Variants in ZNF451 observed in about 807,000 individuals in gnomAD.
ZNF451 encodes E3 SUMO-protein ligase ZNF451.
Under a neutral mutation model 107.1 loss-of-function variants are expected in ZNF451, and 80 were observed. The ratio of observed to expected loss-of-function variants is 0.75; its 90% CI spans 0.62 to 0.90. The LOEUF is 0.90. Ranked by LOEUF, ZNF451 falls within the 40% of genes least tolerant of loss-of-function variation. The pLI is 0.00. For synonymous variants in ZNF451, 362 were observed against 406.5 expected, an observed-to-expected ratio of 0.89 and a Z score of 1.32; for missense variants, 1,107 against 1,236.2, an observed-to-expected ratio of 0.90 and a Z score of 1.57.
At chr6:57,130,230 CT>C (rs1374106250) in intron 5 of ZNF451, among the ~76,000 whole-genome samples, 8 of 152,100 alleles carry the variant, frequency 5.3e-5, no homozygotes, top group Non-Finnish European at 8.8e-5. Context: ...GGCTCCAAAT[CT>C]GACTGTTATT....
chr6:57,133,312 C>G (rs1831271809), intron 6 of ZNF451, 120 bp downstream of exon 6: 2 of 1,042,158 alleles, frequency 1.9e-6, no homozygotes, highest in Admixed American at 2.6e-5. Context: ...ATTCCAAACT[C>G]AAATTATTTT....
At chr6:57,104,906 C>T (rs574388774) in intron 3 of ZNF451, 22 of 985,236 alleles carry the variant, frequency 2.2e-5, no homozygotes, top group Admixed American at 1.8e-4. Context: ...AGGATTTGAC[C>T]GTTTAATAGG....
chr6:57,125,052 A>G (rs1269132370), intron 4 of ZNF451, among the ~76,000 whole-genome samples, 193 bp downstream of exon 4: 1 of 152,158 alleles, frequency 6.6e-6, no homozygotes, highest in African/African-American at 2.4e-5. Flanking sequence ...TTATCTGTAT[A>G]TAGGAAAAGA....
intron 9 of ZNF451, among the ~76,000 whole-genome samples, chr6:57,144,623 A>C (rs1251693032): frequency 3.9e-5 from 6 of 152,114 alleles, no homozygotes; most frequent in African/African-American, 1.4e-4. Context: ...TTTGACCTAT[A>C]GGTTTATTAG....
intron 6 of ZNF451, among the ~76,000 whole-genome samples, chr6:57,133,825 G>A (rs575720050): frequency 6.7e-4 from 102 of 152,070 alleles, no homozygotes; most frequent in African/African-American, 2.3e-3. Context: ...CAGGTTGTGC[G>A]CCACCACACC....
At chr6:57,106,909 C>T in intron 3 of ZNF451, 1 of 943,822 alleles carries the variant, frequency 1.1e-6, no homozygotes, top group Non-Finnish European at 1.3e-6. Flanking sequence ...TATTATTTTT[C>T]CAGATATATT....
chr6:57,095,816 TG>T (rs202124868), intron 2 of ZNF451, among the ~76,000 whole-genome samples: 6 of 150,136 alleles, frequency 4.0e-5, no homozygotes, highest in South Asian at 2.1e-4. Flanking sequence ...TTTTTTTTTT[TG>T]TTGTTGTTGT....
At chr6:57,124,631 T>C (rs1830831459) in intron 3 of ZNF451, 103 bp from the exon 4 acceptor site, 1 of 859,074 alleles carries the variant, frequency 1.2e-6, no homozygotes, top group South Asian at 1.6e-5. Context: ...TTCTTATAAC[T>C]CAAGTAAATG....
At chr6:57,157,903 A>C (rs540455936) in intron 13 of ZNF451, among the ~76,000 whole-genome samples, 2 of 152,352 alleles carry the variant, frequency 1.3e-5, no homozygotes, top group South Asian at 4.1e-4. Context: ...AGTTTATTGA[A>C]GTTTATTGTA....
At chr6:57,143,574 C>T (rs964882414) in intron 9 of ZNF451, among the ~76,000 whole-genome samples, 2 of 152,214 alleles carry the variant, frequency 1.3e-5, no homozygotes, top group Non-Finnish European at 2.9e-5. Flanking sequence ...CCACTAAGCA[C>T]TGCTTTACCT....
chr6:57,090,371 G>A, intron 1 of ZNF451, 97 bp downstream of exon 1: 1 of 1,545,174 alleles, frequency 6.5e-7, no homozygotes, highest in East Asian at 2.4e-5. Context: ...TCGCAGCCTC[G>A]GGGCGATACC....
intron 3 of ZNF451, chr6:57,109,627 A>G (rs1033786514): frequency 6.1e-6 from 6 of 985,292 alleles, no homozygotes; most frequent in African/African-American, 5.2e-5. Flanking sequence ...ATTTCATGCC[A>G]TGTGATCATG....
intron 5 of ZNF451, among the ~76,000 whole-genome samples, chr6:57,132,304 T>C (rs1227189425): frequency 1.3e-5 from 2 of 152,352 alleles, no homozygotes; most frequent in East Asian, 3.9e-4. Context: ...CCTGCTTTCT[T>C]CATTCCATCC....
chr6:57,158,673 A>G (rs1377598833), intron 13 of ZNF451: 1 of 985,298 alleles, frequency 1.0e-6, no homozygotes, highest in African/African-American at 1.7e-5. Flanking sequence ...GGGCACACAG[A>G]AGTTAGTATT....
intron 3 of ZNF451, chr6:57,106,506 A>G (rs1034348492): frequency 2.8e-5 from 19 of 675,606 alleles, no homozygotes; most frequent in Non-Finnish European, 3.5e-5. Context: ...GGGTCTCTCC[A>G]TGTTGGTCAG....
chr6:57,096,066 C>T (rs1453843477), intron 2 of ZNF451, among the ~76,000 whole-genome samples: 3 of 152,008 alleles, frequency 2.0e-5, no homozygotes, highest in African/African-American at 7.3e-5. Flanking sequence ...TCATGTGGTC[C>T]ACCTGCCTTG....
intron 12 of ZNF451, 148 bp downstream of exon 12, chr6:57,152,499 T>C: frequency 2.3e-6 from 2 of 871,882 alleles, no homozygotes; most frequent in Non-Finnish European, 3.5e-6. Flanking sequence ...CCCCATAGCA[T>C]ATTTTTATTG....
At chr6:57,100,388 A>T (rs1433546948) in intron 3 of ZNF451, among the ~76,000 whole-genome samples, 1 of 152,108 alleles carries the variant, frequency 6.6e-6, no homozygotes. Context: ...TAATGCCAGT[A>T]GTTGATTTTG....
At chr6:57,158,486 C>T (rs1201452084) in intron 13 of ZNF451, 1 of 984,258 alleles carries the variant, frequency 1.0e-6, no homozygotes, top group Non-Finnish European at 1.2e-6. Flanking sequence ...GATCTTTTGT[C>T]TCATAATTAA....
Sources: allele counts gnomAD v4.1 joint callset (sites outside exome capture counted in the v4.1 genomes callset), GRCh38; gene constraint gnomAD v4.1.1; transcripts MANE v1.5; gene names NCBI Gene and HGNC (gene_info 2026-07-23, HGNC 2026-07-21).